Variants in CNTN6 observed in about 807,000 individuals in gnomAD.
The protein encoded by CNTN6 is contactin 6.
In CNTN6, 137 loss-of-function variants were observed where a neutral mutation model predicts 122.8. The observed-to-expected ratio is 1.12, with a 90% confidence interval of 0.97 to 1.29. The LOEUF is 1.29. CNTN6 is among the 50% of genes most tolerant of loss of function. The pLI is 0.00. For synonymous variants in CNTN6, 570 were observed against 426.0 expected (o/e 1.34, Z -4.16); for missense variants, 1,634 against 1,223.4 (o/e 1.34, Z -5.01).
At chr3:1,323,060 C>G (rs1351545716) in intron 8 of CNTN6, among the ~76,000 whole-genome samples, 1 of 151,452 alleles carries the variant, frequency 6.6e-6, no homozygotes, top group African/African-American at 2.4e-5. Context: ...AAGGGATGAA[C>G]CAGAACACAA....
chr3:1,402,250 C>T (rs1394896925), intron 21 of CNTN6, 68 bp from the exon 22 acceptor site: 10 of 1,281,176 alleles, frequency 7.8e-6, no homozygotes, highest in South Asian at 5.6e-5. Context: ...TTACAGTGTT[C>T]CAGAACAGTT....
chr3:1,391,718 A>G (rs1694177864), intron 20 of CNTN6, among the ~76,000 whole-genome samples: 1 of 150,126 alleles, frequency 6.7e-6, no homozygotes, highest in Non-Finnish European at 1.5e-5. Context: ...CTCAGGATAC[A>G]AAATCAATGT....
rs3772286 is a variant in CNTN6, at chr3:1,354,333, G to A, written c.1492+1882G>A. ...CCCCAGCTACTCTGCTCTTTCCATA[G>A]GTAAAACAATAATTAATCAAGATAG... On this transcript the variant is annotated intron_variant, in intron 12 of 22. Coordinates refer to ENST00000446702, the MANE Select transcript of CNTN6 (RefSeq NM_001289080.2). Among the ~76,000 whole-genome samples the A allele has an allele frequency of 0.01, 1,539 of 147,382 alleles. 119 individuals carry two copies. The East Asian group carries it at 0.17, about 17-fold the overall frequency.
chr3:1,313,113 G>T (rs1699624116), intron 7 of CNTN6, among the ~76,000 whole-genome samples: 1 of 151,804 alleles, frequency 6.6e-6, no homozygotes, highest in African/African-American at 2.4e-5. Context: ...GTAACACAAG[G>T]CCCACCTACC....
rs550189765 is a variant in CNTN6 at position 1,102,635 on chromosome 3, G to A, written c.-83+9515G>A. Among the ~76,000 whole-genome samples the A allele has an allele frequency of 3.7e-3, 555 of 150,438 alleles. 11 individuals carry two copies. Among genetic ancestry groups the A allele is most frequent in the African/African-American group, 0.011 (463 of 41,240 alleles). On this transcript the variant is annotated intron_variant, in intron 1 of 22. Transcript: ENST00000446702. ...CCCAGCTACTCGGGAGGCTGAGGCA[G>A]GAGAATGGCGGGAACCCGGGGGGCG...
At chr3:1,400,180 G>T (rs985911486) in intron 20 of CNTN6, among the ~76,000 whole-genome samples, 1 of 152,044 alleles carries the variant, frequency 6.6e-6, no homozygotes, top group Non-Finnish European at 1.5e-5. Flanking sequence ...CAAAAGAGAT[G>T]CCAAAAACAT....
chr3:1,316,269 T>C (rs940628497), intron 7 of CNTN6, among the ~76,000 whole-genome samples: 1 of 151,916 alleles, frequency 6.6e-6, no homozygotes, highest in Non-Finnish European at 1.5e-5. Context: ...AAAAGAGGTT[T>C]AATTGGCTCA....
intron 11 of CNTN6, among the ~76,000 whole-genome samples, chr3:1,342,693 T>C (rs1192877862): frequency 5.9e-5 from 9 of 152,120 alleles, no homozygotes; most frequent in African/African-American, 2.2e-4. Context: ...GTGAATCAGA[T>C]GAATATTTAG....
intron 4 of CNTN6, among the ~76,000 whole-genome samples, chr3:1,248,649 G>A (rs966874074): frequency 6.6e-6 from 1 of 152,014 alleles, no homozygotes; most frequent in East Asian, 1.9e-4. Flanking sequence ...GTGAAACTCT[G>A]TCTCCACTAA....
At position 1,382,976 on chromosome 3, in the gene CNTN6, T is replaced by TA. The variant is rs1399602333; in HGVS notation, c.2201_2202insA (p.Phe734LeufsTer33). On this transcript the variant is annotated frameshift_variant, in exon 18 of 23. Transcript: ENST00000446702. LOFTEE classifies it high-confidence loss of function. The stretch of plus-strand genomic sequence containing the variant: ...GAAGAACTGCAGAATGGGGAGGGAT[T>TA]TGGATATATCATCATGTTCCGGCCA... 1 of 1,614,050 alleles carries TA rather than the reference T, an allele frequency of 6.2e-7. No homozygotes were observed. The highest frequency in any genetic ancestry group is 8.5e-7 in the Non-Finnish European group (1 of 1,179,938).
chr3:1,139,592 A>T (rs2092563006), intron 1 of CNTN6, among the ~76,000 whole-genome samples: 1 of 152,152 alleles, frequency 6.6e-6, no homozygotes, highest in Non-Finnish European at 1.5e-5. Context: ...TTTAAAAAAA[A>T]ACTTCAGCTG....
At chr3:1,158,951 T>TAC (rs1553610749) in intron 2 of CNTN6, among the ~76,000 whole-genome samples, 3 of 116,696 alleles carry the variant, frequency 2.6e-5, no homozygotes, top group African/African-American at 7.0e-5. Flanking sequence ...CATATATATA[T>TAC]ATACACACAC....
At chr3:1,121,164 T>C (rs2091934543) in intron 1 of CNTN6, among the ~76,000 whole-genome samples, 1 of 151,942 alleles carries the variant, frequency 6.6e-6, no homozygotes, top group South Asian at 2.1e-4. Flanking sequence ...CTCCCTTTCC[T>C]TTTTCTGTGT....
intron 1 of CNTN6, among the ~76,000 whole-genome samples, chr3:1,115,838 T>C (rs540867680): frequency 4.6e-4 from 69 of 151,590 alleles, no homozygotes; most frequent in African/African-American, 1.4e-3. Flanking sequence ...ATAGCCAGAC[T>C]CACAACAAAC....
chr3:1,302,855 G>T (rs768065605), intron 7 of CNTN6, among the ~76,000 whole-genome samples: 9 of 151,634 alleles, frequency 5.9e-5, no homozygotes, highest in Non-Finnish European at 1.0e-4. Flanking sequence ...TTATTTGTTT[G>T]TTTTTTTCTC....
intron 11 of CNTN6, among the ~76,000 whole-genome samples, chr3:1,351,300 T>C (rs1705588493): frequency 6.6e-6 from 1 of 152,012 alleles, no homozygotes; most frequent in Non-Finnish European, 1.5e-5. Flanking sequence ...TATTTTGTTA[T>C]TGTTAATGGA....
At chr3:1,193,925 T>C (rs564961785) in intron 2 of CNTN6, among the ~76,000 whole-genome samples, 1 of 152,286 alleles carries the variant, frequency 6.6e-6, no homozygotes, top group Admixed American at 6.5e-5. Flanking sequence ...AAACAAGATA[T>C]GAAACGTTTT....
chr3:1,387,099 T>A (rs1023707518), intron 20 of CNTN6, among the ~76,000 whole-genome samples: 1 of 152,184 alleles, frequency 6.6e-6, no homozygotes, highest in African/African-American at 2.4e-5. Flanking sequence ...TTTGCTTTCA[T>A]GTTCTTATCT....
At chr3:1,127,898 G>A (rs1311134692) in intron 1 of CNTN6, among the ~76,000 whole-genome samples, 4 of 151,968 alleles carry the variant, frequency 2.6e-5, no homozygotes, top group Admixed American at 2.6e-4. Flanking sequence ...GATTGTTCAA[G>A]GGGAACAGAA....
Sources: allele counts gnomAD v4.1 joint callset (sites outside exome capture counted in the v4.1 genomes callset), GRCh38; gene constraint gnomAD v4.1.1; transcripts MANE v1.5; gene names NCBI Gene and HGNC (gene_info 2026-07-23, HGNC 2026-07-21).